NFXL1: variants seen among roughly 807,000 people sequenced by gnomAD.
NFXL1 encodes NF-X1-type zinc finger protein NFXL1.
In NFXL1, 66 loss-of-function variants were observed where a neutral mutation model predicts 123.3. The observed-to-expected ratio is 0.54, with a 90% CI of 0.44 to 0.66. The LOEUF (loss-of-function observed/expected upper bound fraction) is 0.66, where lower values mean the gene tolerates loss of function less well. Ranked by LOEUF, NFXL1 falls within the 30% of genes least tolerant of loss-of-function variation. The probability of loss-of-function intolerance (pLI) is 0.00; values close to 1 mark genes in which losing one functional copy is unlikely to be tolerated. For synonymous variants in NFXL1, 346 were observed against 360.8 expected (o/e 0.96, Z 0.46); for missense variants, 944 against 1,125.6 (o/e 0.84, Z 2.31).
chr4:47,850,979 A>C, intron 22 of NFXL1, 116 bp downstream of exon 22: 1 of 720,116 alleles, frequency 1.4e-6, no homozygotes, highest in South Asian at 1.8e-5. Flanking sequence ...AAGAACTGTT[A>C]TTTTCAGTTC....
At chr4:47,890,553 TG>T in intron 12 of NFXL1, 59 bp downstream of exon 12, 2 of 870,288 alleles carry the variant, frequency 2.3e-6, no homozygotes, top group Admixed American at 4.1e-5. Context: ...ATATTGACAA[TG>T]AAAAAAAAAA....
At chr4:47,897,642 T>TA (rs1435296081) in intron 9 of NFXL1, among the ~76,000 whole-genome samples, 3 of 152,200 alleles carry the variant, frequency 2.0e-5, no homozygotes, top group Non-Finnish European at 4.4e-5. Flanking sequence ...CATGGTGTTG[T>TA]ATATTTTATA....
chr4:47,906,571 A>C (rs1737573735), intron 3 of NFXL1, among the ~76,000 whole-genome samples: 1 of 152,166 alleles, frequency 6.6e-6, no homozygotes, highest in African/African-American at 2.4e-5. Flanking sequence ...TATTTTAAAC[A>C]AACATTGAAG....
chr4:47,851,704 C>A, intron 21 of NFXL1, 152 bp downstream of exon 21: 1 of 546,642 alleles, frequency 1.8e-6, no homozygotes, highest in Non-Finnish European at 3.2e-6. Context: ...ATGAAAATCC[C>A]AATCTGCCAT....
intron 2 of NFXL1, among the ~76,000 whole-genome samples, chr4:47,912,457 CTTTCT>C (rs1160632961): frequency 7.8e-5 from 9 of 114,792 alleles, no homozygotes; most frequent in Admixed American, 3.5e-4. Context: ...TTTTTCTTTT[CTTTCT>C]TTTTTTTTTT....
intron 15 of NFXL1, among the ~76,000 whole-genome samples, chr4:47,882,015 G>A (rs1254515305): frequency 1.3e-5 from 2 of 152,130 alleles, no homozygotes; most frequent in Non-Finnish European, 2.9e-5. Flanking sequence ...AACACAGAAA[G>A]TAAATCCTAA....
intron 4 of NFXL1, among the ~76,000 whole-genome samples, chr4:47,904,291 C>T (rs180945977): frequency 3.9e-5 from 6 of 152,208 alleles, no homozygotes. Flanking sequence ...CACCTACCAA[C>T]TCCCTGTGGT....
intron 20 of NFXL1, among the ~76,000 whole-genome samples, chr4:47,853,105 T>C (rs973223587): frequency 2.0e-5 from 3 of 152,144 alleles, no homozygotes; most frequent in South Asian, 2.1e-4. Flanking sequence ...CGTGTGTTTA[T>C]AGACATTAAG....
intron 15 of NFXL1, among the ~76,000 whole-genome samples, chr4:47,882,625 A>G (rs1736182048): frequency 6.6e-6 from 1 of 152,216 alleles, no homozygotes; most frequent in Non-Finnish European, 1.5e-5. Flanking sequence ...TGTAGTTTCT[A>G]CGGTACAAAT....
At chr4:47,884,970 T>C (rs1284395010) in intron 14 of NFXL1, among the ~76,000 whole-genome samples, 12 of 151,616 alleles carry the variant, frequency 7.9e-5, no homozygotes, top group Non-Finnish European at 1.8e-4. Context: ...CTACTAAAAC[T>C]ACAAAAATTA....
chr4:47,864,882 A>G (rs1734961171), intron 18 of NFXL1, among the ~76,000 whole-genome samples: 1 of 152,226 alleles, frequency 6.6e-6, no homozygotes, highest in Non-Finnish European at 1.5e-5. Flanking sequence ...GAGGCACTCT[A>G]GCAAATTAAT....
chr4:47,900,285 C>T (rs1328969733), intron 5 of NFXL1, among the ~76,000 whole-genome samples: 1 of 152,136 alleles, frequency 6.6e-6, no homozygotes, highest in South Asian at 2.1e-4. Context: ...TCTCGGCTCA[C>T]TGCAACCTCT....
chr4:47,863,335 GAAAT>G (rs1354765728), intron 18 of NFXL1, among the ~76,000 whole-genome samples: 4 of 152,140 alleles, frequency 2.6e-5, no homozygotes, highest in Admixed American at 6.5e-5. Flanking sequence ...TATTTGGTGA[GAAAT>G]AAAATTAACT....
At chr4:47,890,567 A>G (rs372343951) in intron 12 of NFXL1, 46 bp downstream of exon 12, 61 of 1,024,700 alleles carry the variant, frequency 6.0e-5, no homozygotes, top group East Asian at 4.1e-4. Flanking sequence ...AAAAAAAACC[A>G]CTACATCACT....
chr4:47,903,851 A>G (rs2110104090), intron 4 of NFXL1, among the ~76,000 whole-genome samples: 1 of 152,326 alleles, frequency 6.6e-6, no homozygotes, highest in African/African-American at 2.4e-5. Flanking sequence ...CTAATGCTAA[A>G]TTCTAAAAAT....
chr4:47,894,540 A>T (rs1156794991), intron 10 of NFXL1, among the ~76,000 whole-genome samples: 1 of 98,600 alleles, frequency 1.0e-5, no homozygotes. Flanking sequence ...TTGAATAGTT[A>T]AAAAAAAAAA....
intron 18 of NFXL1, among the ~76,000 whole-genome samples, chr4:47,872,871 C>G (rs1039490402): frequency 2.0e-5 from 3 of 152,140 alleles, no homozygotes; most frequent in Non-Finnish European, 2.9e-5. Flanking sequence ...TTTGCTGCAT[C>G]AATTGACTCT....
At chr4:47,900,299 T>C (rs1382974919) in intron 5 of NFXL1, among the ~76,000 whole-genome samples, 1 of 152,146 alleles carries the variant, frequency 6.6e-6, no homozygotes, top group East Asian at 1.9e-4. Flanking sequence ...AACCTCTGCC[T>C]CCTAGGTACA....
chr4:47,908,084 T>C (rs1031267074), intron 3 of NFXL1, among the ~76,000 whole-genome samples: 5 of 152,218 alleles, frequency 3.3e-5, no homozygotes, highest in Non-Finnish European at 4.4e-5. Context: ...ACCAAGGTTA[T>C]GTGTTGGGAA....
Sources: gnomAD v4.1 joint callset for allele counts (sites outside exome capture counted in the v4.1 genomes callset) on GRCh38, gnomAD v4.1.1 for gene constraint, MANE v1.5 for transcripts, NCBI Gene and HGNC (gene_info 2026-07-23, HGNC 2026-07-21) for gene names.